The following PCDHGB3 variants were observed in gnomAD, a reference collection of about 807,000 sequenced individuals.
PCDHGB3 encodes protocadherin gamma-B3.
In PCDHGB3, 40 loss-of-function variants were observed where a neutral mutation model predicts 59.2. The observed-to-expected ratio is 0.68, with a 90% CI of 0.52 to 0.88. The LOEUF (loss-of-function observed/expected upper bound fraction) is 0.88. PCDHGB3 is among the 40% of genes least tolerant of loss of function. The pLI is 0.00. For missense variants in PCDHGB3, 1,309 were observed against 1,187.9 expected (o/e 1.10, Z -1.50); for synonymous variants, 581 against 503.6 (o/e 1.15, Z -2.06).
In PCDHGB3 at chr5:141,487,522, T is replaced by C. The variant is rs764726787; in HGVS notation, c.2416-7285T>C. 2 of 1,614,166 alleles carry C rather than the reference T, an allele frequency of 1.2e-6. No individual in the cohort carries two copies. The highest frequency in any genetic ancestry group is 1.7e-6 in the Non-Finnish European group (2 of 1,180,022). ...TGGCTTCTGCACCCACTCGGAGTGATAGCTTCATGATGGTGAAGTCACCCA... is the reference window on the plus strand; with the variant it reads ...TGGCTTCTGCACCCACTCGGAGTGACAGCTTCATGATGGTGAAGTCACCCA... On this transcript the variant is annotated intron_variant, in intron 1 of 3. Coordinates refer to ENST00000576222, the MANE Select transcript of PCDHGB3 (RefSeq NM_018924.5). This position sits in a 1 kb window ranked among gnomAD's most constrained non-coding sequence, Gnocchi z 5.0.
chr5:141,419,333 A>G, intron 1 of PCDHGB3: 2 of 1,613,804 alleles, frequency 1.2e-6, no homozygotes, highest in South Asian at 1.1e-5. Context: ...CTACTCTCTC[A>G]TTGCCAGCGA....
chr5:141,392,659 A>G, intron 1 of PCDHGB3: 1 of 788,300 alleles, frequency 1.3e-6, no homozygotes, highest in Non-Finnish European at 1.9e-6. Context: ...CGCAGATGCC[A>G]CAAACTAACT....
intron 1 of PCDHGB3, chr5:141,414,451 G>C (rs1390702349): frequency 1.9e-6 from 3 of 1,613,874 alleles, no homozygotes; most frequent in Non-Finnish European, 2.5e-6. Context: ...CAATATCACA[G>C]TGACAGCCAC....
Position 141,370,935 on chromosome 5 carries a change from A to T in PCDHGB3, c.541A>T (p.Ile181Phe), listed in dbSNP as rs961930132. 2 of 1,613,850 alleles carry T rather than the reference A, an allele frequency of 1.2e-6. No individual in the cohort carries two copies. The highest frequency in any genetic ancestry group is 3.3e-5 in the Admixed American group (2 of 60,000). ...CAGCCCTGATCCGCACTTCTCTTTGATTCAGAAGGAGAACCTGGATGGCAG... is the reference window on the plus strand; with the variant it reads ...CAGCCCTGATCCGCACTTCTCTTTGTTTCAGAAGGAGAACCTGGATGGCAG... ...YLSPDPHFSL[I>F]QKENLDGSRY... The change falls in exon 1 of 4, where the codon ATT becomes TTT. Residue 181 changes from isoleucine (I) to phenylalanine (F), a missense_variant. Transcript: ENST00000576222.
chr5:141,410,671 C>G (rs771368781), intron 1 of PCDHGB3: 1 of 1,563,260 alleles, frequency 6.4e-7, no homozygotes, highest in South Asian at 1.2e-5. Context: ...ACTAGTTTCT[C>G]ATATTTTAGG....
chr5:141,394,808 T>G lies in PCDHGB3; in HGVS notation c.2415+21999T>G, dbSNP rs534137630. The G allele has an allele frequency of 9.9e-6, 16 of 1,613,872 alleles. No individual in the cohort carries two copies. The East Asian group carries it at 3.6e-4, about 36-fold the overall frequency. On this transcript the variant is annotated intron_variant, in intron 1 of 3. Coordinates refer to ENST00000576222, the MANE Select transcript of PCDHGB3 (RefSeq NM_018924.5). ...CTGTCACGCTCACCGTAGCCGTGGC[T>G]GACAGCATCCCCGAAGTCCTGACCG...
In PCDHGB3 at chr5:141,435,388, G is replaced by T. The variant is rs186494703; in HGVS notation, c.2416-59419G>T. Among the ~76,000 whole-genome samples, 241 of 152,094 alleles carry T rather than the reference G, an allele frequency of 1.6e-3. 5 individuals carry two copies. Among genetic ancestry groups the T allele is most frequent in the Non-Finnish European group, 2.1e-4 (14 of 67,992 alleles). The stretch of plus-strand genomic sequence containing the variant: ...ACTTAAATATACAATATACCGTATT[G>T]CCATGACGAAAAATGGTAAAGACTA... On this transcript the variant is annotated intron_variant, in intron 1 of 3. Transcript: ENST00000576222.
rs1199102847 is a variant in PCDHGB3, at chr5:141,477,997, A to G, written c.2416-16810A>G. 2 of 1,614,112 alleles carry G rather than the reference A, an allele frequency of 1.2e-6. No individual in the cohort carries two copies. Among genetic ancestry groups the G allele is most frequent in the Non-Finnish European group, 1.7e-6 (2 of 1,180,016 alleles). On this transcript the variant is annotated intron_variant, in intron 1 of 3. Coordinates refer to ENST00000576222, the MANE Select transcript of PCDHGB3 (RefSeq NM_018924.5). This position sits in a 1 kb window ranked among gnomAD's most constrained non-coding sequence, Gnocchi z 4.9. ...TTGCCATAGGGCTGCACACTGGTCAAATCAGTACTGCCCGTCCAGTCCAAG... is the reference window on the plus strand; with the variant it reads ...TTGCCATAGGGCTGCACACTGGTCAGATCAGTACTGCCCGTCCAGTCCAAG...
intron 1 of PCDHGB3, among the ~76,000 whole-genome samples, chr5:141,483,203 A>T (rs940487337): frequency 1.3e-5 from 2 of 152,204 alleles, no homozygotes; most frequent in African/African-American, 2.4e-5. Flanking sequence ...ATTTTATTCC[A>T]TATAGATGAC....
chr5:141,388,555 G>A, intron 1 of PCDHGB3: 1 of 1,613,826 alleles, frequency 6.2e-7, no homozygotes, highest in Non-Finnish European at 8.5e-7. Context: ...CCCCTAAGCA[G>A]CACTGCACAG....
At position 141,487,501 on chromosome 5, in the gene PCDHGB3, T is replaced by C. The variant is rs746285663; in HGVS notation, c.2416-7306T>C. 1.2e-6 allele frequency: 2 copies of C among 1,614,232 alleles called. No individual in the cohort carries two copies. The highest frequency in any genetic ancestry group is 3.3e-5 in the Admixed American group (2 of 60,028). ...ACTCTCATGGCTGTACACCCTTGGC[T>C]TCTGCACCCACTCGGAGTGATAGCT... On this transcript the variant is annotated intron_variant, in intron 1 of 3. Coordinates refer to ENST00000576222, the MANE Select transcript of PCDHGB3 (RefSeq NM_018924.5). The surrounding 1 kb of genome is among the most constrained non-coding windows in gnomAD (Gnocchi z 5.0).
intron 1 of PCDHGB3, chr5:141,391,629 T>C (rs1048656119): frequency 6.6e-6 from 1 of 152,234 alleles, no homozygotes; most frequent in African/African-American, 2.4e-5. Flanking sequence ...AAGAAAGTTT[T>C]AGTCAGTGAA....
rs2099749632 is a variant in PCDHGB3, at chr5:141,493,698, C to T, written c.2416-1109C>T. The stretch of plus-strand genomic sequence containing the variant: ...AGAATGGTGCTGGTGACTCCCGATA[C>T]ACCTGGAATGCTAGGTTTCTGGGTT... On this transcript the variant is annotated intron_variant, in intron 1 of 3. Transcript: ENST00000576222. This position sits in a 1 kb window ranked among gnomAD's most constrained non-coding sequence, Gnocchi z 4.3. Among the ~76,000 whole-genome samples the T allele has an allele frequency of 6.6e-6, 1 of 152,208 alleles. No individual in the cohort carries two copies. Among genetic ancestry groups the T allele is most frequent in the Non-Finnish European group, 1.5e-5 (1 of 68,034 alleles).
At position 141,372,670 on chromosome 5, in the gene PCDHGB3, A is replaced by T. The variant is rs1383646459; in HGVS notation, c.2276A>T (p.His759Leu). Residue 759 changes from histidine to leucine, a missense_variant, in exon 1 of 4, where the codon CAT becomes CTT. By Grantham distance (99) the His-to-Leu change is moderately conservative. Coordinates refer to ENST00000576222, the MANE Select transcript of PCDHGB3 (RefSeq NM_018924.5). ...PYSYNPCAAS[H>L]SSNTEFKFLN... ...TCCTACAATCCGTGTGCTGCCTCAC[A>T]TTCCTCAAACACCGAGTTTAAATTT... 1 of 1,614,026 alleles carries T rather than the reference A, an allele frequency of 6.2e-7. No homozygotes were observed.
rs777293240 is a variant in PCDHGB3, at chr5:141,393,034, T to A, written c.2415+20225T>A. The A allele has an allele frequency of 1.3e-5, 21 of 1,613,636 alleles. No homozygotes were observed. Among genetic ancestry groups the A allele is most frequent in the Admixed American group, 6.7e-5 (4 of 59,986 alleles). Reference sequence around the variant, plus strand: ...ATCGTCTCCAGAGGTAGGACGCAGCTCTTTGCTCTGAACCCGCGCAGCGGC... The same window carrying A: ...ATCGTCTCCAGAGGTAGGACGCAGCACTTTGCTCTGAACCCGCGCAGCGGC... On this transcript the variant is annotated intron_variant, in intron 1 of 3. Coordinates refer to ENST00000576222, the MANE Select transcript of PCDHGB3 (RefSeq NM_018924.5).
intron 1 of PCDHGB3, chr5:141,415,028 C>T (rs756347396): frequency 3.1e-6 from 5 of 1,613,524 alleles, no homozygotes; most frequent in Middle Eastern, 1.7e-4. Context: ...GCCAGCGAGC[C>T]GGGACTCTTC....
intron 1 of PCDHGB3, chr5:141,374,602 T>A (rs747550525): frequency 9.9e-6 from 16 of 1,613,534 alleles, no homozygotes; most frequent in Non-Finnish European, 1.3e-5. Flanking sequence ...TTAAGCTCAG[T>A]GGTAATAGTC....
chr5:141,434,992 C>A (rs2097735368), intron 1 of PCDHGB3, among the ~76,000 whole-genome samples: 1 of 151,902 alleles, frequency 6.6e-6, no homozygotes, highest in Non-Finnish European at 1.5e-5. Context: ...ATATCATTTT[C>A]TAGCTGAATT....
rs201386958 is a variant in PCDHGB3 at position 141,413,172 on chromosome 5, T to G, written c.2415+40363T>G. 2.6e-4 allele frequency: 413 copies of G among 1,598,292 alleles called. 3 individuals carry two copies. In the East Asian group the frequency reaches 7.0e-3, roughly 27 times the overall value. ...ACTTTGCAGAATTCTGTAACCAGACTACAATGGCCGCTCAAAGGAATCGCT... is the reference window on the plus strand; with the variant it reads ...ACTTTGCAGAATTCTGTAACCAGACGACAATGGCCGCTCAAAGGAATCGCT... On this transcript the variant is annotated intron_variant, in intron 1 of 3. Coordinates refer to ENST00000576222, the MANE Select transcript of PCDHGB3 (RefSeq NM_018924.5).
Sources: gnomAD v4.1 joint callset for allele counts (sites outside exome capture counted in the v4.1 genomes callset) on GRCh38, gnomAD v4.1.1 for gene constraint, Gnocchi (gnomAD v3.1) non-coding constraint, MANE v1.5 for transcripts, NCBI Gene and HGNC (gene_info 2026-07-23, HGNC 2026-07-21) for gene names.